SPDYE18: variants seen among roughly 807,000 people sequenced by gnomAD.
SPDYE18 encodes the protein speedy/RINGO cell cycle regulator family member E18.
A neutral mutation model predicts 44.9 loss-of-function variants in SPDYE18; 6 were observed. The observed-to-expected ratio is 0.13, with a 90% CI of 0.07 to 0.26. The LOEUF (loss-of-function observed/expected upper bound fraction) is 0.26. Ranked by LOEUF, SPDYE18 falls within the 10% of genes least tolerant of loss-of-function variation. The probability of loss-of-function intolerance (pLI) is 1.00; values close to 1 mark genes in which losing one functional copy is unlikely to be tolerated. For synonymous variants in SPDYE18, 35 were observed against 177.1 expected, an observed-to-expected ratio of 0.20 and a Z score of 6.37; for missense variants, 121 against 463.2, an observed-to-expected ratio of 0.26 and a Z score of 6.78.
chr7:77,059,757 C>T (rs1177811485), intron 2 of SPDYE18, among the ~76,000 whole-genome samples: 1 of 147,810 alleles, frequency 6.8e-6, no homozygotes, highest in East Asian at 2.2e-4. Flanking sequence ...TCCATTTATT[C>T]TTCTGCCTCA....
At chr7:77,057,158 T>G (rs995714787) in intron 4 of SPDYE18, among the ~76,000 whole-genome samples, 3 of 152,300 alleles carry the variant, frequency 2.0e-5, no homozygotes, top group Admixed American at 6.5e-5. Context: ...TGGCCTGATC[T>G]TGGCTCGCTG....
At chr7:77,060,242 C>T (rs1789999053) in intron 2 of SPDYE18, 111 bp downstream of exon 2, 1 of 1,492,656 alleles carries the variant, frequency 6.7e-7, no homozygotes, top group Non-Finnish European at 8.9e-7. Context: ...GGTGATTCGC[C>T]CGCCTCGGCC....
chr7:77,060,623 T>A lies in SPDYE18; in HGVS notation c.-111A>T. The A allele has an allele frequency of 1.3e-6, 2 of 1,509,356 alleles. No homozygotes were observed. Among genetic ancestry groups the A allele is most frequent in the Non-Finnish European group, 1.8e-6 (2 of 1,131,298 alleles). The allele number at this position is 1,509,356 out of a possible 1,614,324, so 93.5% of individuals were successfully genotyped here. A position where few individuals can be genotyped will look rare whatever the true frequency, so the allele number is the denominator to read the frequency against. ...TGAGAAGATACTGTTGTCCAACTGATCTCCAGGCACCACGGAGTCCGGTCC... is the reference window on the plus strand; with the variant it reads ...TGAGAAGATACTGTTGTCCAACTGAACTCCAGGCACCACGGAGTCCGGTCC... On this transcript the variant is annotated 5_prime_UTR_variant, in exon 2 of 9. Coordinates refer to ENST00000510091, the MANE Select transcript of SPDYE18 (RefSeq NM_001394953.1).
At chr7:77,057,455 C>G (rs1250344038) in intron 4 of SPDYE18, among the ~76,000 whole-genome samples, 182 bp downstream of exon 4, 1 of 151,252 alleles carries the variant, frequency 6.6e-6, no homozygotes, top group Non-Finnish European at 1.5e-5. Flanking sequence ...TGACCTTTAT[C>G]AAGTTGACCT....
intron 6 of SPDYE18, 21 bp from the exon 7 acceptor site, chr7:77,053,224 G>A (rs1384607826): frequency 6.2e-7 from 1 of 1,612,082 alleles, no homozygotes; most frequent in African/African-American, 1.3e-5. Flanking sequence ...AAATCAGGTT[G>A]GTGCTCAGGG....
At position 77,050,977 on chromosome 7, in the gene SPDYE18, TAAAC is replaced by T. The variant is rs1196251052; in HGVS notation, c.*944_*947del. On this transcript the variant is annotated 3_prime_UTR_variant, in exon 9 of 9. Coordinates refer to ENST00000510091, the MANE Select transcript of SPDYE18 (RefSeq NM_001394953.1). ...AATTCTATACCCATGTTTTTCAAAA[TAAAC>T]CAATAAATTAGATAGTATGTATTAG... is the stretch of plus-strand genomic sequence containing the variant. 6.6e-6 allele frequency among the ~76,000 whole-genome samples: 1 copy of T among 151,434 alleles called. No homozygotes were observed. Among genetic ancestry groups the T allele is most frequent in the Non-Finnish European group, 1.5e-5 (1 of 67,874 alleles).
At chr7:77,053,775 G>T (rs895266917) in intron 6 of SPDYE18, among the ~76,000 whole-genome samples, 1 of 151,828 alleles carries the variant, frequency 6.6e-6, no homozygotes, top group South Asian at 2.1e-4. Context: ...GGAGGCGGAG[G>T]TTGCAGTGAG....
chr7:77,055,911 C>T (rs1174311013), intron 5 of SPDYE18, among the ~76,000 whole-genome samples: 2 of 150,946 alleles, frequency 1.3e-5, no homozygotes, highest in African/African-American at 4.9e-5. Flanking sequence ...ATAGTGAGAC[C>T]CTGTTTCTAC....
At chr7:77,057,215 C>T (rs1210172021) in intron 4 of SPDYE18, among the ~76,000 whole-genome samples, 24 of 152,296 alleles carry the variant, frequency 1.6e-4, no homozygotes, top group Middle Eastern at 6.8e-3. Flanking sequence ...CTCAGCCTCC[C>T]GAGTAGCTGG....
At chr7:77,062,457 C>T (rs1429257400) in intron 1 of SPDYE18, among the ~76,000 whole-genome samples, 39 bp downstream of exon 1, 1 of 152,096 alleles carries the variant, frequency 6.6e-6, no homozygotes, top group African/African-American at 2.4e-5. Context: ...TTTAACCCAT[C>T]TTCAAGCCTG....
At chr7:77,056,972 C>G (rs549697340) in intron 4 of SPDYE18, among the ~76,000 whole-genome samples, 2,626 of 149,460 alleles carry the variant, frequency 0.018, 1 homozygote, top group African/African-American at 0.063. Flanking sequence ...GGATCCCCCA[C>G]TATGGATGGA....
chr7:77,055,650 G>A lies in SPDYE18; in HGVS notation c.670-329C>T. 3.3e-5 allele frequency among the ~76,000 whole-genome samples: 2 copies of A among 60,070 alleles called. 1 individual carries two copies. The allele number at this position is 60,070 out of a possible 152,430, so 39.4% of individuals were successfully genotyped here. A position where few individuals can be genotyped will look rare whatever the true frequency, so the allele number is the denominator to read the frequency against. ...ACTGTCCCAAGGAGCTGAGAGTAGA[G>A]GGGCCAGGAGCTTCAGGGCTGCAGC... On this transcript the variant is annotated intron_variant, in intron 5 of 8. Coordinates refer to ENST00000510091, the MANE Select transcript of SPDYE18 (RefSeq NM_001394953.1).
intron 6 of SPDYE18, among the ~76,000 whole-genome samples, chr7:77,053,907 A>G (rs974398584): frequency 2.7e-5 from 4 of 146,246 alleles, no homozygotes; most frequent in African/African-American, 4.9e-5. Flanking sequence ...CTAATAAAGA[A>G]GCTGAGGTGG....
At position 77,060,500 on chromosome 7, in the gene SPDYE18, T is replaced by G. The variant is rs1262756812; in HGVS notation, c.13A>C (p.Lys5Gln). 4 of 1,531,910 alleles carry G rather than the reference T, an allele frequency of 2.6e-6. No homozygotes were observed. Among genetic ancestry groups the G allele is most frequent in the South Asian group, 2.4e-5 (2 of 83,794 alleles). 94.9% of individuals were successfully genotyped at this position (1,531,910 alleles called of 1,614,324 possible). The change falls in exon 2 of 9, where the codon AAG (lysine) becomes CAG (glutamine). Residue 5 changes from lysine (K) to glutamine (Q), a missense_variant. Physicochemically the swap from Lys to Gln is moderately conservative, Grantham distance 53. Transcript: ENST00000510091. MDRT[K>Q]TRFRKRGQIT... The stretch of plus-strand genomic sequence containing the variant: ...TGTCCCCTCTTACGGAACCTAGTCT[T>G]CGTTCTGTCCATGGCCTTCTTCTGG...
At chr7:77,054,772 T>G (rs1297340413) in intron 6 of SPDYE18, among the ~76,000 whole-genome samples, 6 of 146,302 alleles carry the variant, frequency 4.1e-5, no homozygotes, top group Non-Finnish European at 7.6e-5. Context: ...TTTTTGGCTT[T>G]TTTTTTTTTT....
At chr7:77,052,530 G>A (rs968744737) in intron 8 of SPDYE18, among the ~76,000 whole-genome samples, 3 of 152,190 alleles carry the variant, frequency 2.0e-5, no homozygotes, top group Non-Finnish European at 4.4e-5. Context: ...GACCTTCCAG[G>A]CTCCAGCGAT....
chr7:77,055,585 C>T (rs1419628959), intron 5 of SPDYE18, among the ~76,000 whole-genome samples: 4 of 96,874 alleles, frequency 4.1e-5, no homozygotes, highest in Non-Finnish European at 7.8e-5. Flanking sequence ...GTGTCTAGGT[C>T]GGCTGGTGTC....
At chr7:77,062,234 G>A (rs1157402012) in intron 1 of SPDYE18, among the ~76,000 whole-genome samples, 8 of 145,350 alleles carry the variant, frequency 5.5e-5, no homozygotes, top group Non-Finnish European at 1.2e-4. Context: ...AGAGGAAGCA[G>A]ATCCCATTGC....
At position 77,060,509 on chromosome 7, in the gene SPDYE18, C is replaced by A; in HGVS notation, c.4G>T (p.Asp2Tyr). The change falls in exon 2 of 9, where the codon GAC becomes TAC. Residue 2 changes from aspartate to tyrosine, a missense_variant. Transcript: ENST00000510091. The part of the protein sequence containing the change: M[D>Y]RTKTRFRKRG... ...TTACGGAACCTAGTCTTCGTTCTGT[C>A]CATGGCCTTCTTCTGGACACTGCTA... The A allele has an allele frequency of 1.3e-6, 2 of 1,535,154 alleles. No individual in the cohort carries two copies. Among genetic ancestry groups the A allele is most frequent in the Non-Finnish European group, 1.7e-6 (2 of 1,146,768 alleles).
Sources: allele counts gnomAD v4.1 joint callset (sites outside exome capture counted in the v4.1 genomes callset), GRCh38; gene constraint gnomAD v4.1.1; transcripts MANE v1.5; gene names NCBI Gene and HGNC (gene_info 2026-07-23, HGNC 2026-07-21).